RBFOX1: variants seen among roughly 807,000 people sequenced by gnomAD.
RBFOX1 encodes the protein RNA binding fox-1 homolog 1.
In RBFOX1, 8 loss-of-function variants were observed where a neutral mutation model predicts 57.7. That is an observed-to-expected ratio of 0.14 (90% confidence interval 0.08 to 0.25). RBFOX1 has a LOEUF of 0.25. RBFOX1 is among the 10% of genes least tolerant of loss of function. RBFOX1 has a pLI of 1.00. For missense variants in RBFOX1, 611 were observed against 548.5 expected (o/e 1.11, Z -1.14); for synonymous variants, 326 against 222.4 (o/e 1.47, Z -4.15).
At chr16:6,999,808 A>G (rs1454834003) in intron 3 of RBFOX1, among the ~76,000 whole-genome samples, 1 of 152,166 alleles carries the variant, frequency 6.6e-6, no homozygotes, top group Non-Finnish European at 1.5e-5. Flanking sequence ...ATGTTGGCTC[A>G]TGCCTGTAAT....
At chr16:5,510,459 C>A (rs1371776195) in intron 2 of RBFOX1, among the ~76,000 whole-genome samples, 1 of 151,796 alleles carries the variant, frequency 6.6e-6, no homozygotes, top group African/African-American at 2.4e-5. Flanking sequence ...CATGGCCTCT[C>A]AAAGCCAAGT....
At chr16:7,203,211 T>A (rs915445279) in intron 4 of RBFOX1, among the ~76,000 whole-genome samples, 1 of 152,200 alleles carries the variant, frequency 6.6e-6, no homozygotes, top group African/African-American at 2.4e-5. Flanking sequence ...TTATTCAACC[T>A]TAGAAGGGAA....
At chr16:6,866,863 T>C (rs2060024937) in intron 3 of RBFOX1, among the ~76,000 whole-genome samples, 1 of 151,956 alleles carries the variant, frequency 6.6e-6, no homozygotes, top group Non-Finnish European at 1.5e-5. Flanking sequence ...TTTTCTAAGG[T>C]TGTAACTTTT....
Position 6,473,630 on chromosome 16 carries a change from A to G in RBFOX1, c.-64+156573A>G, listed in dbSNP as rs189351188. 3.0e-3 allele frequency among the ~76,000 whole-genome samples: 449 copies of G among 152,200 alleles called. 1 individual carries two copies. The highest frequency in any genetic ancestry group is 0.011 in the African/African-American group (438 of 41,534). ...AAAGACCAACCAAATAAAAATAAAC[A>G]GAGGCTATTTATTCAGAGCTTGCTA... On this transcript the variant is annotated intron_variant, in intron 2 of 15. Transcript: ENST00000550418.
chr16:6,813,578 T>C (rs1202595421), intron 3 of RBFOX1, among the ~76,000 whole-genome samples: 4 of 152,204 alleles, frequency 2.6e-5, no homozygotes. Context: ...CTCTTTCATC[T>C]TCTGCATCCA....
chr16:5,870,521 C>A (rs1365963656), intron 4 of RBFOX1, among the ~76,000 whole-genome samples: 1 of 151,978 alleles, frequency 6.6e-6, no homozygotes, highest in Non-Finnish European at 1.5e-5. Flanking sequence ...TGTAGGAATG[C>A]TTAATGTACA....
At chr16:6,173,322 A>T (rs2096976078) in intron 1 of RBFOX1, among the ~76,000 whole-genome samples, 2 of 152,172 alleles carry the variant, frequency 1.3e-5, no homozygotes, top group South Asian at 4.1e-4. Context: ...ATTAACGGTG[A>T]TTATTGAAGA....
chr16:7,566,183 A>C (rs2091646311), intron 5 of RBFOX1, among the ~76,000 whole-genome samples: 1 of 152,154 alleles, frequency 6.6e-6, no homozygotes, highest in South Asian at 2.1e-4. Context: ...TCTAATAAGA[A>C]AACCTGTCAG....
At position 5,749,467 on chromosome 16, in the gene RBFOX1, A is replaced by T. The variant is rs575293858; in HGVS notation, c.319-117836A>T. On this transcript the variant is annotated intron_variant, in intron 3 of 19. Transcript: ENST00000641259. The stretch of plus-strand genomic sequence containing the variant: ...ATAATATCCTGCAGAGTGTTTTCCA[A>T]CTTGGTGCCATTCTCCCTGTCACTT... Among the ~76,000 whole-genome samples the T allele has an allele frequency of 3.9e-5, 6 of 152,138 alleles. No individual in the cohort carries two copies. The South Asian group carries it at 1.3e-3, about 32-fold the overall frequency.
At chr16:6,192,193 C>T (rs980782081) in intron 1 of RBFOX1, among the ~76,000 whole-genome samples, 6 of 152,066 alleles carry the variant, frequency 3.9e-5, no homozygotes, top group Non-Finnish European at 5.9e-5. Context: ...TTTAACGCAG[C>T]GAGATCTCCC....
At chr16:7,109,485 C>G (rs905914464) in intron 4 of RBFOX1, among the ~76,000 whole-genome samples, 4 of 151,976 alleles carry the variant, frequency 2.6e-5, no homozygotes, top group African/African-American at 9.7e-5. Context: ...AGGTGGTGCA[C>G]CTTTGGGCCC....
At chr16:6,178,502 T>A (rs542065056) in intron 1 of RBFOX1, among the ~76,000 whole-genome samples, 1 of 152,146 alleles carries the variant, frequency 6.6e-6, no homozygotes. Flanking sequence ...ATCTGTAGAC[T>A]CAGAAATTAT....
intron 3 of RBFOX1, among the ~76,000 whole-genome samples, chr16:6,809,101 A>G (rs902514639): frequency 2.0e-5 from 3 of 152,160 alleles, no homozygotes; most frequent in Non-Finnish European, 4.4e-5. Context: ...AAGTGTTCAA[A>G]AAAGGCAAAC....
At chr16:7,467,252 A>G (rs2060691755) in intron 4 of RBFOX1, among the ~76,000 whole-genome samples, 1 of 152,066 alleles carries the variant, frequency 6.6e-6, no homozygotes. Context: ...CTCCTAGGCG[A>G]CCTCTCAATA....
At chr16:6,779,841 ATATATATATTTATATATATTTATATATT>A (rs2080152929) in intron 3 of RBFOX1, among the ~76,000 whole-genome samples, 1 of 7,834 alleles carries the variant, frequency 1.3e-4, no homozygotes, top group Non-Finnish European at 2.0e-4. Context: ...TTATATATTT[ATATATATATTTATATATATTTATATATT>A]TATATATATT....
intron 4 of RBFOX1, among the ~76,000 whole-genome samples, chr16:7,185,908 A>G (rs543507102): frequency 9.2e-5 from 14 of 152,268 alleles, no homozygotes; most frequent in African/African-American, 2.4e-4. Context: ...CAATGATACA[A>G]TTCCCACTGG....
At chr16:5,960,694 C>T (rs1010014839) in intron 4 of RBFOX1, among the ~76,000 whole-genome samples, 1 of 152,128 alleles carries the variant, frequency 6.6e-6, no homozygotes, top group African/African-American at 2.4e-5. Context: ...AAAGAGTTTT[C>T]AACTTCACAG....
chr16:7,031,510 C>G (rs558254053), intron 3 of RBFOX1, among the ~76,000 whole-genome samples: 1 of 151,814 alleles, frequency 6.6e-6, no homozygotes, highest in East Asian at 2.0e-4. Flanking sequence ...GCAGGAGAAT[C>G]ACTTGAACCC....
chr16:5,284,206 G>A (rs974362849), intron 1 of RBFOX1, among the ~76,000 whole-genome samples: 16 of 152,210 alleles, frequency 1.1e-4, no homozygotes, highest in Admixed American at 8.5e-4. Flanking sequence ...ACGTGGAAAT[G>A]TAAGTCCATT....
Sources: gnomAD v4.1 joint callset for allele counts (sites outside exome capture counted in the v4.1 genomes callset) on GRCh38, gnomAD v4.1.1 for gene constraint, MANE v1.5 for transcripts, NCBI Gene and HGNC (gene_info 2026-07-23, HGNC 2026-07-21) for gene names.